The following BMPR2 variants were observed in gnomAD, a reference collection of about 807,000 sequenced individuals.
BMPR2 encodes bone morphogenetic protein receptor type-2.
A neutral mutation model predicts 100.8 loss-of-function variants in BMPR2; 29 were observed. The observed-to-expected ratio is 0.29, with a 90% CI of 0.21 to 0.39. The LOEUF (loss-of-function observed/expected upper bound fraction) is 0.39. Ranked by LOEUF, BMPR2 falls within the 10% of genes least tolerant of loss-of-function variation. The pLI, the probability that BMPR2 is intolerant of heterozygous loss-of-function variation, is 1.00. For synonymous variants in BMPR2, 382 were observed against 442.3 expected (o/e 0.86, Z 1.71); for missense variants, 1,011 against 1,274.5 (o/e 0.79, Z 3.15).
chr2:202,402,992 C>T (rs1419532375), intron 1 of BMPR2, among the ~76,000 whole-genome samples: 2 of 151,388 alleles, frequency 1.3e-5, no homozygotes, highest in African/African-American at 4.9e-5. Context: ...CCACGCCCGG[C>T]TAATTTTGTA....
chr2:202,524,389 T>G (rs1035769526), intron 7 of BMPR2, among the ~76,000 whole-genome samples: 24 of 150,162 alleles, frequency 1.6e-4, no homozygotes, highest in Non-Finnish European at 1.5e-5. Flanking sequence ...AACTACCTGT[T>G]GGGTACTATG....
At chr2:202,380,894 T>C (rs1211641345) in intron 1 of BMPR2, among the ~76,000 whole-genome samples, 1 of 149,468 alleles carries the variant, frequency 6.7e-6, no homozygotes, top group South Asian at 2.1e-4. Context: ...GCTGGGATTA[T>C]AGGTGTGGGC....
chr2:202,489,240 C>T (rs528910757), intron 3 of BMPR2, among the ~76,000 whole-genome samples: 2 of 152,162 alleles, frequency 1.3e-5, no homozygotes, highest in African/African-American at 2.4e-5. Flanking sequence ...TGACATCAGG[C>T]GATCCACCCT....
intron 1 of BMPR2, among the ~76,000 whole-genome samples, chr2:202,406,001 G>A (rs916631373): frequency 1.4e-5 from 2 of 147,964 alleles, no homozygotes; most frequent in Admixed American, 6.8e-5. Flanking sequence ...TGCTAGAACA[G>A]TAGAAACTCT....
chr2:202,479,635 C>A (rs1023184383), intron 3 of BMPR2, among the ~76,000 whole-genome samples: 2 of 152,078 alleles, frequency 1.3e-5, no homozygotes, highest in Non-Finnish European at 2.9e-5. Flanking sequence ...AACCTCCAAA[C>A]ACATGCTTGA....
chr2:202,453,044 CT>C (rs1196111823), intron 1 of BMPR2, among the ~76,000 whole-genome samples: 1 of 152,090 alleles, frequency 6.6e-6, no homozygotes, highest in Non-Finnish European at 1.5e-5. Flanking sequence ...CTGGATGAAG[CT>C]GGAGGGATTT....
At chr2:202,453,077 T>A (rs879297964) in intron 1 of BMPR2, among the ~76,000 whole-genome samples, 5 of 152,128 alleles carry the variant, frequency 3.3e-5, no homozygotes, top group Non-Finnish European at 7.4e-5. Context: ...ATTATGTAGG[T>A]CCTTGTACAA....
intron 1 of BMPR2, among the ~76,000 whole-genome samples, chr2:202,428,052 A>G (rs183622903): frequency 7.5e-4 from 114 of 152,252 alleles, no homozygotes; most frequent in Middle Eastern, 3.4e-3. Flanking sequence ...TTCCTATTAC[A>G]GTTCCGCATT....
chr2:202,556,082 T>C lies in BMPR2; in HGVS notation c.2417T>C (p.Met806Thr). The C allele has an allele frequency of 6.2e-7, 1 of 1,614,168 alleles. No individual in the cohort carries two copies. The highest frequency in any genetic ancestry group is 1.1e-5 in the South Asian group (1 of 91,078). The change falls in exon 12 of 13, where the codon ATG becomes ACG. Residue 806 changes from methionine to threonine, a missense_variant. This residue lies in a region of BMPR2 where 508 missense variants were observed against 552.0 expected (regional missense o/e 0.92). Coordinates refer to ENST00000374580, the MANE Select transcript of BMPR2 (RefSeq NM_001204.7). ...AAEPHVVTVTMNGVAGRNHSV... is the reference protein window; with the variant it reads ...AAEPHVVTVTTNGVAGRNHSV... ...GAACCTCATGTGGTGACAGTCACCA[T>C]GAATGGTGTGGCAGGTAGAAACCAC...
intron 3 of BMPR2, among the ~76,000 whole-genome samples, chr2:202,478,992 T>TGACATGGTTCCCAATGATCCCTGCC (rs1404767977): frequency 6.6e-6 from 1 of 152,172 alleles, no homozygotes; most frequent in Admixed American, 6.5e-5. Context: ...AGGCAGCTTC[T>TGACATGGTTCCCAATGATCCCTGCC]GACATGGTTC....
At chr2:202,552,268 G>A (rs1238744860) in intron 10 of BMPR2, among the ~76,000 whole-genome samples, 1 of 152,204 alleles carries the variant, frequency 6.6e-6, no homozygotes, top group African/African-American at 2.4e-5. Context: ...GGGATTATAG[G>A]CGTGAGCCAC....
chr2:202,434,991 G>A (rs1298233920), intron 1 of BMPR2, among the ~76,000 whole-genome samples: 1 of 139,094 alleles, frequency 7.2e-6, no homozygotes, highest in African/African-American at 2.9e-5. Flanking sequence ...GAGGTGGGCA[G>A]CTCACTTGAG....
chr2:202,458,144 A>G (rs769340815), intron 1 of BMPR2, among the ~76,000 whole-genome samples: 1 of 151,784 alleles, frequency 6.6e-6, no homozygotes, highest in Non-Finnish European at 1.5e-5. Context: ...TGCCATATAT[A>G]TAATATTTAA....
intron 1 of BMPR2, among the ~76,000 whole-genome samples, chr2:202,379,022 A>G (rs1293288405): frequency 1.3e-5 from 2 of 152,212 alleles, no homozygotes; most frequent in East Asian, 1.9e-4. Flanking sequence ...ATTTATTTAA[A>G]AATAAACTTA....
Position 202,556,426 on chromosome 2 carries a change from C to G in BMPR2, c.2761C>G (p.Pro921Ala). The G allele has an allele frequency of 6.2e-7, 1 of 1,614,134 alleles. No individual in the cohort carries two copies. Among genetic ancestry groups the G allele is most frequent in the Non-Finnish European group, 8.5e-7 (1 of 1,180,038 alleles). The change falls in exon 12 of 13, where the codon CCA becomes GCA. Residue 921 changes from proline to alanine, a missense_variant. Coordinates refer to ENST00000374580, the MANE Select transcript of BMPR2 (RefSeq NM_001204.7). ...ACAAGATGTTCTTGCACAGGGTGTTCCAAGCACAGCAGCAGATCCTGGGCC... is the reference window on the plus strand; with the variant it reads ...ACAAGATGTTCTTGCACAGGGTGTTGCAAGCACAGCAGCAGATCCTGGGCC... The part of the protein sequence containing the change: ...SEQDVLAQGV[P>A]STAADPGPSK...
At chr2:202,398,658 T>C (rs957680362) in intron 1 of BMPR2, among the ~76,000 whole-genome samples, 57 of 152,218 alleles carry the variant, frequency 3.7e-4, no homozygotes, top group African/African-American at 1.3e-3. Flanking sequence ...ATTTGAACAT[T>C]GTTTAGTAAT....
chr2:202,525,857 C>CTTTTTTTTTT (rs386392340), intron 7 of BMPR2, among the ~76,000 whole-genome samples: 10 of 69,362 alleles, frequency 1.4e-4, no homozygotes, highest in Admixed American at 6.5e-4. Flanking sequence ...TTCAGAGCAT[C>CTTTTTTTTTT]TTTTTTTTTT....
At chr2:202,442,551 C>T (rs1691770099) in intron 1 of BMPR2, among the ~76,000 whole-genome samples, 1 of 150,514 alleles carries the variant, frequency 6.6e-6, no homozygotes, top group African/African-American at 2.5e-5. Context: ...CAGGATCCCC[C>T]TATCCTGCAT....
chr2:202,385,881 A>C (rs897973609), intron 1 of BMPR2, among the ~76,000 whole-genome samples: 5 of 152,140 alleles, frequency 3.3e-5, no homozygotes, highest in African/African-American at 1.2e-4. Flanking sequence ...TTCTCTAATA[A>C]ACAATGCCAT....
Sources: gnomAD v4.1 joint callset for allele counts (sites outside exome capture counted in the v4.1 genomes callset) on GRCh38, gnomAD v4.1.1 for gene constraint, gnomAD v4.1.1 regional missense constraint, MANE v1.5 for transcripts, NCBI Gene and HGNC (gene_info 2026-07-23, HGNC 2026-07-21) for gene names.